Variants in DDR2 observed in about 807,000 individuals in gnomAD.
The protein encoded by DDR2 is discoidin domain-containing receptor 2.
A neutral mutation model predicts 94.9 loss-of-function variants in DDR2; 27 were observed. The ratio of observed to expected loss-of-function variants is 0.28; its 90% confidence interval spans 0.21 to 0.39. The LOEUF is 0.39. DDR2 is among the 10% of genes least tolerant of loss of function. The pLI is 1.00. For synonymous variants in DDR2, 382 were observed against 377.2 expected, an observed-to-expected ratio of 1.01 and a Z score of -0.15; for missense variants, 783 against 1,076.0, an observed-to-expected ratio of 0.73 and a Z score of 3.81.
intron 3 of DDR2, among the ~76,000 whole-genome samples, chr1:162,747,271 GA>G (rs1336455978): frequency 3.9e-5 from 6 of 152,026 alleles, no homozygotes; most frequent in Non-Finnish European, 8.8e-5. Context: ...TAAAAACCTT[GA>G]AAAAAGATTA....
intron 2 of DDR2, among the ~76,000 whole-genome samples, chr1:162,682,337 C>T (rs74745556): frequency 0.016 from 2,407 of 152,316 alleles, 22 homozygotes; most frequent in Non-Finnish European, 0.024. Context: ...AGCACTATTA[C>T]CCACTGCCTG....
chr1:162,696,542 G>A (rs1660202253), intron 2 of DDR2, among the ~76,000 whole-genome samples: 1 of 151,808 alleles, frequency 6.6e-6, no homozygotes, highest in Non-Finnish European at 1.5e-5. Flanking sequence ...TGAGCCTCTG[G>A]CTTTCATCGC....
At chr1:162,661,145 C>T (rs1024281310) in intron 2 of DDR2, among the ~76,000 whole-genome samples, 17 of 152,160 alleles carry the variant, frequency 1.1e-4, no homozygotes, top group African/African-American at 4.1e-4. Flanking sequence ...GATAATGGTA[C>T]CACAGAGCCT....
intron 3 of DDR2, among the ~76,000 whole-genome samples, chr1:162,729,292 ATATATATATTTTTT>A (rs1661883894): frequency 4.2e-5 from 1 of 23,830 alleles, no homozygotes; most frequent in African/African-American, 2.0e-4. Context: ...ATATATATAT[ATATATATATTTTTT>A]TTTTTTTTTT....
intron 2 of DDR2, among the ~76,000 whole-genome samples, chr1:162,678,557 G>T (rs1423163011): frequency 1.3e-5 from 2 of 152,192 alleles, no homozygotes; most frequent in Non-Finnish European, 2.9e-5. Context: ...TGTAAATGAG[G>T]AATCACTGGC....
chr1:162,733,138 C>T (rs1662139468), intron 3 of DDR2, among the ~76,000 whole-genome samples: 1 of 152,224 alleles, frequency 6.6e-6, no homozygotes, highest in African/African-American at 2.4e-5. Flanking sequence ...CTCTTGCTTC[C>T]CTTGCCATTC....
chr1:162,773,339 C>T, intron 13 of DDR2, 130 bp from the exon 14 acceptor site: 1 of 1,248,878 alleles, frequency 8.0e-7, no homozygotes, highest in Non-Finnish European at 1.2e-6. Context: ...TTACACATAT[C>T]TTCTTATTGG....
chr1:162,651,450 C>T (rs1657686703), intron 1 of DDR2, among the ~76,000 whole-genome samples: 1 of 152,154 alleles, frequency 6.6e-6, no homozygotes, highest in Non-Finnish European at 1.5e-5. Context: ...AATAATGGCT[C>T]CTCACTCCAA....
At chr1:162,701,573 C>T (rs1367485203) in intron 2 of DDR2, among the ~76,000 whole-genome samples, 2 of 152,208 alleles carry the variant, frequency 1.3e-5, no homozygotes, top group African/African-American at 4.8e-5. Context: ...TGAACAGACA[C>T]ATAGATTATT....
chr1:162,689,256 A>G (rs1400500603), intron 2 of DDR2, among the ~76,000 whole-genome samples: 1 of 152,172 alleles, frequency 6.6e-6, no homozygotes, highest in Non-Finnish European at 1.5e-5. Context: ...CTATTGTGTG[A>G]GGTGATGGTT....
intron 2 of DDR2, among the ~76,000 whole-genome samples, chr1:162,702,264 C>T (rs1408743328): frequency 6.6e-6 from 1 of 152,012 alleles, no homozygotes. Context: ...TGGATTATTT[C>T]TTTCATTCTC....
chr1:162,732,212 C>A (rs903036951), intron 3 of DDR2, among the ~76,000 whole-genome samples: 2 of 152,122 alleles, frequency 1.3e-5, no homozygotes, highest in African/African-American at 4.8e-5. Context: ...CCATTATACC[C>A]AAAGAATAGC....
chr1:162,754,632 CAGA>C lies in DDR2; in HGVS notation c.200_202del (p.Glu67del). On this transcript the variant is annotated inframe_deletion, in exon 5 of 18. Transcript: ENST00000367921. ...AACCCTCACCTCTCAAGGCTGGACT[CAGA>C]AGAAGGGGATGGAGCCTGGTGCCCT... 2 of 1,614,106 alleles carry C rather than the reference CAGA, an allele frequency of 1.2e-6. No individual in the cohort carries two copies. The highest frequency in any genetic ancestry group is 1.7e-6 in the Non-Finnish European group (2 of 1,179,998).
intron 2 of DDR2, among the ~76,000 whole-genome samples, chr1:162,693,249 A>G (rs1458793009): frequency 6.6e-6 from 1 of 152,168 alleles, no homozygotes; most frequent in Non-Finnish European, 1.5e-5. Context: ...GAGTGGTGAT[A>G]ACACAGGTAT....
intron 2 of DDR2, among the ~76,000 whole-genome samples, chr1:162,691,284 G>A (rs1430801971): frequency 2.6e-5 from 4 of 152,290 alleles, no homozygotes; most frequent in South Asian, 2.1e-4. Context: ...GGCTCTGGAA[G>A]GACTGGCCAC....
intron 2 of DDR2, among the ~76,000 whole-genome samples, chr1:162,669,921 C>A (rs1159371509): frequency 6.6e-6 from 1 of 152,168 alleles, no homozygotes; most frequent in African/African-American, 2.4e-5. Context: ...GGGCTGCTAG[C>A]ACAAAGTGAA....
intron 2 of DDR2, among the ~76,000 whole-genome samples, chr1:162,670,479 G>A (rs1254796725): frequency 1.3e-5 from 2 of 152,130 alleles, no homozygotes; most frequent in Admixed American, 6.5e-5. Context: ...TCTTCCTCAC[G>A]TAAAGTCAAC....
chr1:162,747,106 T>G (rs1048877868), intron 3 of DDR2, among the ~76,000 whole-genome samples: 1 of 152,196 alleles, frequency 6.6e-6, no homozygotes, highest in Non-Finnish European at 1.5e-5. Flanking sequence ...AGAGCACCTC[T>G]TCTCCTCCAA....
intron 3 of DDR2, among the ~76,000 whole-genome samples, chr1:162,728,679 A>G (rs1432088493): frequency 6.6e-6 from 1 of 152,148 alleles, no homozygotes; most frequent in Non-Finnish European, 1.5e-5. Context: ...TAAAAATTAG[A>G]CAAGCAATAA....
Sources: gnomAD v4.1 joint callset for allele counts (sites outside exome capture counted in the v4.1 genomes callset) on GRCh38, gnomAD v4.1.1 for gene constraint, MANE v1.5 for transcripts, NCBI Gene and HGNC (gene_info 2026-07-23, HGNC 2026-07-21) for gene names.